NPAS3: variants seen among roughly 807,000 people sequenced by gnomAD.
NPAS3 encodes the protein neuronal PAS domain protein 3.
NPAS3 carries 14 observed loss-of-function variants against 73.1 expected under a neutral mutation model. That is an observed-to-expected ratio of 0.19 (90% CI 0.13 to 0.30). NPAS3 has a LOEUF of 0.30. Among genes scored for constraint, NPAS3 ranks in the 10% least tolerant of loss-of-function variants. The probability of loss-of-function intolerance (pLI) is 1.00; values close to 1 mark genes in which losing one functional copy is unlikely to be tolerated. For missense variants in NPAS3, 1,096 were observed against 1,250.0 expected (o/e 0.88, Z 1.86); for synonymous variants, 620 against 541.5 (o/e 1.14, Z -2.01).
At chr14:33,694,439 C>T (rs191567215) in intron 6 of NPAS3, among the ~76,000 whole-genome samples, 5 of 152,206 alleles carry the variant, frequency 3.3e-5, no homozygotes, top group Admixed American at 6.5e-5. Context: ...TAGGAAGGAA[C>T]CTGCGTATAA....
intron 3 of NPAS3, among the ~76,000 whole-genome samples, chr14:33,305,987 G>A (rs1363258782): frequency 6.6e-6 from 1 of 152,110 alleles, no homozygotes; most frequent in Non-Finnish European, 1.5e-5. Context: ...TAGGAAAGTG[G>A]TTGGGTGTTT....
chr14:33,729,542 A>G (rs1451224236), intron 6 of NPAS3, among the ~76,000 whole-genome samples: 1 of 152,160 alleles, frequency 6.6e-6, no homozygotes, highest in Non-Finnish European at 1.5e-5. Context: ...GCCGGAGCAC[A>G]GTCATCTGAA....
At position 33,118,741 on chromosome 14, in the gene NPAS3, A is replaced by T. The variant is rs190625788; in HGVS notation, c.140+62747A>T. On this transcript the variant is annotated intron_variant, in intron 2 of 11. Coordinates refer to ENST00000356141, the Ensembl canonical transcript of NPAS3. ...AAAGAACAATGAAACTTCCAAATAA[A>T]AGTAGTTGGACCTTTTTGCTGTGGA... Among the ~76,000 whole-genome samples the T allele has an allele frequency of 5.3e-5, 8 of 152,152 alleles. No individual in the cohort carries two copies. In the East Asian group the frequency reaches 1.5e-3, roughly 29 times the overall value.
intron 9 of NPAS3, among the ~76,000 whole-genome samples, chr14:33,781,107 C>G (rs1000395252): frequency 6.6e-6 from 1 of 152,172 alleles, no homozygotes; most frequent in Non-Finnish European, 1.5e-5. Context: ...TGTCAAGTAG[C>G]ACACAATTAG....
intron 4 of NPAS3, among the ~76,000 whole-genome samples, chr14:33,474,618 T>G (rs1282185878): frequency 6.6e-6 from 1 of 151,582 alleles, no homozygotes; most frequent in Non-Finnish European, 1.5e-5. Flanking sequence ...AAGTTACTTG[T>G]AGAGAGAGAG....
chr14:33,123,101 ATAAAT>A (rs541686699), intron 2 of NPAS3, among the ~76,000 whole-genome samples: 307 of 139,078 alleles, frequency 2.2e-3, no homozygotes, highest in Admixed American at 3.5e-3. Flanking sequence ...TTTTATTTAG[ATAAAT>A]TAAATAAATT....
At chr14:33,131,069 G>C (rs1456589274) in intron 2 of NPAS3, among the ~76,000 whole-genome samples, 3 of 152,106 alleles carry the variant, frequency 2.0e-5, no homozygotes, top group Non-Finnish European at 4.4e-5. Context: ...TACCTCTTAT[G>C]AGAGTTCCCT....
chr14:32,983,655 A>G (rs1396553267), intron 1 of NPAS3, among the ~76,000 whole-genome samples: 3 of 152,264 alleles, frequency 2.0e-5, no homozygotes, highest in African/African-American at 7.2e-5. Context: ...AATAATGGCT[A>G]TATATTAGTG....
At chr14:33,367,344 A>AT (rs558554747) in intron 4 of NPAS3, 76 bp downstream of exon 4, 78 of 679,720 alleles carry the variant, frequency 1.1e-4, no homozygotes, top group Middle Eastern at 2.7e-4. Context: ...TTTTTAAAGA[A>AT]TTTTTTTTAA....
intron 1 of NPAS3, among the ~76,000 whole-genome samples, chr14:32,943,491 C>T (rs1031674560): frequency 6.6e-6 from 1 of 152,090 alleles, no homozygotes; most frequent in African/African-American, 2.4e-5. Flanking sequence ...TTCCCTGCCC[C>T]AGATCCTGGT....
At chr14:33,697,139 C>T (rs2060405088) in intron 6 of NPAS3, among the ~76,000 whole-genome samples, 1 of 152,202 alleles carries the variant, frequency 6.6e-6, no homozygotes, top group Non-Finnish European at 1.5e-5. Flanking sequence ...GCAGGAAAAT[C>T]TTGCCAAATT....
At chr14:33,773,175 A>T (rs1595587536) in intron 7 of NPAS3, among the ~76,000 whole-genome samples, 1 of 152,190 alleles carries the variant, frequency 6.6e-6, no homozygotes, top group East Asian at 1.9e-4. Context: ...GAGGCACGAG[A>T]CCTACTTCCC....
intron 5 of NPAS3, among the ~76,000 whole-genome samples, chr14:33,577,807 G>A (rs1463063832): frequency 6.6e-6 from 1 of 152,232 alleles, no homozygotes; most frequent in Non-Finnish European, 1.5e-5. Flanking sequence ...TTAAAACATT[G>A]TTGGCCAAGA....
At chr14:33,134,086 T>TCTAC (rs1438410361) in intron 2 of NPAS3, among the ~76,000 whole-genome samples, 1 of 152,154 alleles carries the variant, frequency 6.6e-6, no homozygotes, top group African/African-American at 2.4e-5. Flanking sequence ...CACTTCTTTT[T>TCTAC]CTACCTACAA....
At chr14:33,196,255 A>G (rs190681113) in intron 2 of NPAS3, among the ~76,000 whole-genome samples, 80 of 152,228 alleles carry the variant, frequency 5.3e-4, no homozygotes, top group African/African-American at 1.7e-3. Flanking sequence ...CTGTCTTTCA[A>G]TTTCTTTATT....
At chr14:33,077,231 C>T (rs150549090) in intron 2 of NPAS3, among the ~76,000 whole-genome samples, 3,897 of 152,188 alleles carry the variant, frequency 0.026, 60 homozygotes, top group Non-Finnish European at 0.039. Context: ...GTTTGCAATT[C>T]AAAATGGGGT....
At chr14:33,198,013 A>G (rs2046440939) in intron 2 of NPAS3, among the ~76,000 whole-genome samples, 1 of 150,982 alleles carries the variant, frequency 6.6e-6, no homozygotes, top group South Asian at 2.1e-4. Flanking sequence ...GAAGCTGCAG[A>G]CCTTCACGGT....
At position 33,691,903 on chromosome 14, in the gene NPAS3, C is replaced by T. The variant is rs558399046; in HGVS notation, c.733+15518C>T. ...ATAAACTCAAAAATTATCACCAAGG[C>T]CCTTCCTCTGCCACAATTTGTCAAA... On this transcript the variant is annotated intron_variant, in intron 6 of 11. Coordinates refer to ENST00000356141, the Ensembl canonical transcript of NPAS3. 2.6e-4 allele frequency among the ~76,000 whole-genome samples: 40 copies of T among 152,250 alleles called. 1 individual carries two copies. The East Asian group carries it at 7.3e-3, about 28-fold the overall frequency.
intron 3 of NPAS3, among the ~76,000 whole-genome samples, chr14:33,222,512 C>G (rs934744477): frequency 3.9e-5 from 6 of 152,134 alleles, no homozygotes; most frequent in African/African-American, 1.4e-4. Flanking sequence ...CTCTGCTTCC[C>G]CAGAGCATTA....
Sources: gnomAD v4.1 joint callset for allele counts (sites outside exome capture counted in the v4.1 genomes callset) on GRCh38, gnomAD v4.1.1 for gene constraint, MANE v1.5 for transcripts, NCBI Gene and HGNC (gene_info 2026-07-23, HGNC 2026-07-21) for gene names.